FBF1: variants seen among roughly 807,000 people sequenced by gnomAD.
FBF1 encodes the protein Fas binding factor 1.
A neutral mutation model predicts 147.2 loss-of-function variants in FBF1; 119 were observed. The ratio of observed to expected loss-of-function variants is 0.81; its 90% CI spans 0.70 to 0.94. The LOEUF (loss-of-function observed/expected upper bound fraction) is 0.94. FBF1 is among the 40% of genes least tolerant of loss of function. FBF1 has a pLI of 0.00. For synonymous variants in FBF1, 601 were observed against 609.0 expected, an observed-to-expected ratio of 0.99 and a Z score of 0.19; for missense variants, 1,449 against 1,500.8, an observed-to-expected ratio of 0.97 and a Z score of 0.57.
intron 4 of FBF1, among the ~76,000 whole-genome samples, chr17:75,934,555 CAA>C (rs974439444): frequency 6.2e-4 from 52 of 84,334 alleles, no homozygotes; most frequent in African/African-American, 1.2e-3. Context: ...GACTCTGTCT[CAA>C]AAAAAAAAAA....
chr17:75,923,052 C>G lies in FBF1; in HGVS notation c.1424+134G>C. ...AAGGCAGAGTAGCAAAGCCAAGAAGCGGCCTCTGTGGCCACGGCGCCCTGC... is the reference window on the plus strand; with the variant it reads ...AAGGCAGAGTAGCAAAGCCAAGAAGGGGCCTCTGTGGCCACGGCGCCCTGC... On this transcript the variant is annotated intron_variant, in intron 14 of 29. Transcript: ENST00000636174. The surrounding 1 kb of genome is among the most constrained non-coding windows in gnomAD (Gnocchi z 4.1). 1 of 860,530 alleles carries G rather than the reference C, an allele frequency of 1.2e-6. No homozygotes were observed. The highest frequency in any genetic ancestry group is 1.7e-5 in the African/African-American group (1 of 58,366). The allele number at this position is 860,530 out of a possible 1,614,324, so 53.3% of individuals were successfully genotyped here. A position where few individuals can be genotyped will look rare whatever the true frequency, so the allele number is the denominator to read the frequency against.
intron 1 of FBF1, among the ~76,000 whole-genome samples, chr17:75,940,065 C>T (rs577142623): frequency 2.0e-5 from 3 of 152,000 alleles, no homozygotes; most frequent in Non-Finnish European, 2.9e-5. Flanking sequence ...CCTGCCTCAG[C>T]CTCCCGAGTA....
Position 75,925,478 on chromosome 17 carries a change from G to T in FBF1, c.869-32C>A. On this transcript the variant is annotated intron_variant, in intron 12 of 29. Coordinates refer to ENST00000636174, the MANE Select transcript of FBF1 (RefSeq NM_001319193.2). The surrounding 1 kb of genome is among the most constrained non-coding windows in gnomAD (Gnocchi z 5.0). ...ATTAAGGAGCCTGTGACCGTGATCT[G>T]GAGTAGGGGAACCAAGCTCATTTGC... 6.4e-7 allele frequency: 1 copy of T among 1,574,488 alleles called. No homozygotes were observed. The highest frequency in any genetic ancestry group is 8.7e-7 in the Non-Finnish European group (1 of 1,155,508).
In FBF1 at chr17:75,909,930, T is replaced by A. The variant is rs1295955296; in HGVS notation, c.*793A>T. ...ATCAGAGAAACCTCTGTAGTTGTGA[T>A]TGGTTCCTTGTCGCCTCCACTGCGT... On this transcript the variant is annotated 3_prime_UTR_variant, in exon 30 of 30. Transcript: ENST00000636174. 1.4e-6 allele frequency: 1 copy of A among 700,210 alleles called. No homozygotes were observed. The highest frequency in any genetic ancestry group is 1.7e-5 in the African/African-American group (1 of 57,360). The allele number at this position is 700,210 out of a possible 1,614,324, so 43.4% of individuals were successfully genotyped here. A position where few individuals can be genotyped will look rare whatever the true frequency, so the allele number is the denominator to read the frequency against.
intron 28 of FBF1, among the ~76,000 whole-genome samples, chr17:75,912,992 A>C (rs2065464603): frequency 1.3e-5 from 2 of 151,986 alleles, no homozygotes; most frequent in African/African-American, 4.8e-5. Context: ...CTAAGCCGAG[A>C]TCATGCCACT....
rs570414210 is a variant in FBF1, at chr17:75,914,109, G to A, written c.2991+13C>T. ...GGCTCAGATGCGCCCACGCCCATGT[G>A]CCCGAGCAGCACCTTGCTCATGCTC... On this transcript the variant is annotated intron_variant, in intron 26 of 29. Coordinates refer to ENST00000636174, the MANE Select transcript of FBF1 (RefSeq NM_001319193.2). 1 of 1,597,054 alleles carries A rather than the reference G, an allele frequency of 6.3e-7. No individual in the cohort carries two copies. The highest frequency in any genetic ancestry group is 1.1e-5 in the South Asian group (1 of 88,798).
chr17:75,913,259 C>G (rs1258120101), intron 28 of FBF1, among the ~76,000 whole-genome samples: 1 of 151,138 alleles, frequency 6.6e-6, no homozygotes, highest in Non-Finnish European at 1.5e-5. Context: ...AGTGACTCTC[C>G]TGCCTCAGCC....
chr17:75,918,219 A>G lies in FBF1; in HGVS notation c.2189T>C (p.Leu730Pro). 1 of 1,613,406 alleles carries G rather than the reference A, an allele frequency of 6.2e-7. No homozygotes were observed. Among genetic ancestry groups the G allele is most frequent in the Non-Finnish European group, 8.5e-7 (1 of 1,179,856 alleles). ...GACCTCTCGGTCCTTCAGCAGCTTT[A>G]GCCGCTGCAGCTGCTCCTCGTGGTC... is the stretch of plus-strand genomic sequence containing the variant. The part of the protein sequence containing the change: ...RRDHEEQLQR[L>P]KLLKDREVDA... The change falls in exon 21 of 30, where the codon CTA becomes CCA. Residue 730 changes from leucine to proline, a missense_variant. Physicochemically the swap from Leu to Pro is moderately conservative, Grantham distance 98 (BLOSUM62 -3). Transcript: ENST00000636174. The surrounding 1 kb of genome is among the most constrained non-coding windows in gnomAD (Gnocchi z 5.8).
At position 75,923,506 on chromosome 17, in the gene FBF1, G is replaced by T. The variant is rs1433947039; in HGVS notation, c.1104C>A (p.Asp368Glu). 1 of 1,606,766 alleles carries T rather than the reference G, an allele frequency of 6.2e-7. No individual in the cohort carries two copies. The highest frequency in any genetic ancestry group is 2.2e-5 in the East Asian group (1 of 44,666). Residue 368 changes from aspartate to glutamate, a missense_variant, in exon 14 of 30, where the codon GAC becomes GAA. Transcript: ENST00000636174. The surrounding 1 kb of genome is among the most constrained non-coding windows in gnomAD (Gnocchi z 4.1). ...DWLGLKDEDL[D>E]LFPASPTREA... ...CTCTGGTGGGTGAGGCAGGGAACAG[G>T]TCCAAGTCCTCGTCCTTGAGGCCCA...
chr17:75,928,041 C>A lies in FBF1; in HGVS notation c.397+35G>T. 1 of 1,549,620 alleles carries A rather than the reference C, an allele frequency of 6.5e-7. No individual in the cohort carries two copies. The highest frequency in any genetic ancestry group is 8.9e-7 in the Non-Finnish European group (1 of 1,126,774). ...CTCCCTAGCAGATGCGAGGAGCCGTCTCCCATGCACCTTTCTCACTGGCTA... is the reference window on the plus strand; with the variant it reads ...CTCCCTAGCAGATGCGAGGAGCCGTATCCCATGCACCTTTCTCACTGGCTA... On this transcript the variant is annotated intron_variant, in intron 8 of 29. Coordinates refer to ENST00000636174, the MANE Select transcript of FBF1 (RefSeq NM_001319193.2). The surrounding 1 kb of genome is among the most constrained non-coding windows in gnomAD (Gnocchi z 4.2).
At chr17:75,931,739 C>T (rs145076744) in intron 5 of FBF1, among the ~76,000 whole-genome samples, 17,799 of 151,564 alleles carry the variant, frequency 0.12, 1,609 homozygotes, top group African/African-American at 0.25. Context: ...GCTGACATTG[C>T]GCCACTGCAC....
In FBF1 at chr17:75,926,118, A is replaced by G; in HGVS notation, c.780T>C (p.Gly260=). 6.2e-7 allele frequency: 1 copy of G among 1,611,162 alleles called. No homozygotes were observed. Among genetic ancestry groups the G allele is most frequent in the East Asian group, 2.2e-5 (1 of 44,828 alleles). Residue 260 remains glycine, a synonymous_variant, in exon 12 of 30, where the codon GGT becomes GGC. Coordinates refer to ENST00000636174, the MANE Select transcript of FBF1 (RefSeq NM_001319193.2). ...CCAGGAGTTTGGTGGCCATGCCTCG[A>G]CCCAGCAGCTCATCCAGCGTGGAGC... ...PARSTLDELL[G]RGMATKLLAR...
Position 75,927,503 on chromosome 17 carries a change from G to C in FBF1, c.427C>G (p.Pro143Ala), listed in dbSNP as rs1021386068. Residue 143 changes from proline (P) to alanine (A), a missense_variant, in exon 9 of 30, where the codon CCG becomes GCG. By Grantham distance (27) the Pro-to-Ala change is conservative. Transcript: ENST00000636174. ...TGATGCCCAGAGCTGCTGGGAGACG[G>C]AAGTGACTTCTTGGTGGGAATGGCA... ...GGAIPTKKSL[P>A]SPSSSGHQNR... 7.5e-6 allele frequency: 12 copies of C among 1,603,830 alleles called. No individual in the cohort carries two copies. The highest frequency in any genetic ancestry group is 1.3e-5 in the African/African-American group (1 of 74,784).
chr17:75,912,116 T>C, intron 29 of FBF1, 76 bp downstream of exon 29: 3 of 1,411,040 alleles, frequency 2.1e-6, no homozygotes, highest in Non-Finnish European at 2.9e-6. Context: ...AGGGCTACCA[T>C]GTGCTCCTCC....
Position 75,910,719 on chromosome 17 carries a change from C to T in FBF1, c.*4G>A. 1.2e-6 allele frequency: 2 copies of T among 1,605,302 alleles called. No individual in the cohort carries two copies. The highest frequency in any genetic ancestry group is 1.1e-5 in the South Asian group (1 of 89,384). On this transcript the variant is annotated 3_prime_UTR_variant, in exon 30 of 30. Transcript: ENST00000636174. This position sits in a 1 kb window ranked among gnomAD's most constrained non-coding sequence, Gnocchi z 4.1. ...CTCTGTTGGGGAATCGGCTGGGGTC[C>T]CACTCAGGCTGAATGAGATGTCAAA...
In FBF1 at chr17:75,919,597, C is replaced by T; in HGVS notation, c.2138+71G>A. On this transcript the variant is annotated intron_variant, in intron 20 of 29. Coordinates refer to ENST00000636174, the MANE Select transcript of FBF1 (RefSeq NM_001319193.2). The surrounding 1 kb of genome is among the most constrained non-coding windows in gnomAD (Gnocchi z 5.0). ...AGGCTGCTGAGCCACAGCGAAGGGT[C>T]TCGTGGGGATGGCTCTCTTCCGGCT... 6.6e-7 allele frequency: 1 copy of T among 1,509,310 alleles called. No homozygotes were observed. The highest frequency in any genetic ancestry group is 8.9e-7 in the Non-Finnish European group (1 of 1,121,232). The allele number at this position is 1,509,310 out of a possible 1,614,324, so 93.5% of individuals were successfully genotyped here. A position where few individuals can be genotyped will look rare whatever the true frequency, so the allele number is the denominator to read the frequency against.
chr17:75,919,643 C>G lies in FBF1; in HGVS notation c.2138+25G>C, dbSNP rs2065510865. ...CGGCTACTCCTTGCAAGCCTGCTCC[C>G]CAGCTGCCTGTCCCTGGGCCTCACC... On this transcript the variant is annotated intron_variant, in intron 20 of 29. Transcript: ENST00000636174. This position sits in a 1 kb window ranked among gnomAD's most constrained non-coding sequence, Gnocchi z 5.0. 6.4e-7 allele frequency: 1 copy of G among 1,572,012 alleles called. No individual in the cohort carries two copies.
chr17:75,920,108 C>A lies in FBF1; in HGVS notation c.1831-1G>T. On this transcript the variant is annotated splice_acceptor_variant, in intron 18 of 29. Transcript: ENST00000636174. LOFTEE classifies it high-confidence loss of function. Reference sequence around the variant, plus strand: ...CCCGTTCTAGCTCCAGCTTCCGCACCTGGGAGACAGCAGGAGGGCCAGCAA... The same window carrying A: ...CCCGTTCTAGCTCCAGCTTCCGCACATGGGAGACAGCAGGAGGGCCAGCAA... 6.3e-7 allele frequency: 1 copy of A among 1,583,486 alleles called. No individual in the cohort carries two copies. The highest frequency in any genetic ancestry group is 2.3e-5 in the East Asian group (1 of 42,908).
At position 75,920,161 on chromosome 17, in the gene FBF1, C is replaced by A; in HGVS notation, c.1831-54G>T. On this transcript the variant is annotated intron_variant, in intron 18 of 29. Transcript: ENST00000636174. ...AGGGAGGGGAGGTGGCTGTACTCCA[C>A]GCTGCCCTGTGCCAACAGCCCTTCC... 4 of 1,583,654 alleles carry A rather than the reference C, an allele frequency of 2.5e-6. No homozygotes were observed. In the South Asian group the frequency reaches 4.5e-5, roughly 18 times the overall value.
Sources: gnomAD v4.1 joint callset for allele counts (sites outside exome capture counted in the v4.1 genomes callset) on GRCh38, gnomAD v4.1.1 for gene constraint, Gnocchi (gnomAD v3.1) non-coding constraint, MANE v1.5 for transcripts, NCBI Gene and HGNC (gene_info 2026-07-23, HGNC 2026-07-21) for gene names.